The following STK32B variants were observed in gnomAD, a reference collection of about 807,000 sequenced individuals.
STK32B encodes the protein serine/threonine-protein kinase 32B.
Under a neutral mutation model 52.6 loss-of-function variants are expected in STK32B, and 43 were observed. The ratio of observed to expected loss-of-function variants is 0.82; its 90% CI spans 0.64 to 1.05. The LOEUF (loss-of-function observed/expected upper bound fraction) is 1.05. STK32B is among the 50% of genes least tolerant of loss of function. The pLI is 0.00. For synonymous variants in STK32B, 238 were observed against 204.3 expected (o/e 1.17, Z -1.41); for missense variants, 621 against 534.6 (o/e 1.16, Z -1.59).
At chr4:5,356,709 G>T (rs532006114) in intron 4 of STK32B, among the ~76,000 whole-genome samples, 16 of 152,208 alleles carry the variant, frequency 1.1e-4, no homozygotes, top group Non-Finnish European at 1.9e-4. Context: ...TTTAATAAGT[G>T]TATATTGCTG....
intron 8 of STK32B, among the ~76,000 whole-genome samples, chr4:5,459,681 C>A (rs528225519): frequency 6.6e-6 from 1 of 152,232 alleles, no homozygotes; most frequent in East Asian, 1.9e-4. Flanking sequence ...GAGATCACCT[C>A]GTAGCTGTCC....
At chr4:5,412,099 A>C (rs1437608153) in intron 5 of STK32B, among the ~76,000 whole-genome samples, 1 of 152,198 alleles carries the variant, frequency 6.6e-6, no homozygotes, top group African/African-American at 2.4e-5. Context: ...AAGAAAGAAG[A>C]GATGCATGTC....
At chr4:5,233,547 G>A (rs1724420398) in intron 3 of STK32B, among the ~76,000 whole-genome samples, 3 of 152,040 alleles carry the variant, frequency 2.0e-5, no homozygotes, top group Non-Finnish European at 4.4e-5. Flanking sequence ...AAGGATAGGA[G>A]CTGTGAAGAG....
At chr4:5,192,309 A>C (rs1327629149) in intron 3 of STK32B, among the ~76,000 whole-genome samples, 1 of 152,328 alleles carries the variant, frequency 6.6e-6, no homozygotes, top group Non-Finnish European at 1.5e-5. Context: ...CACCTTGTGC[A>C]ACACAGCAGC....
chr4:5,402,505 G>C (rs545687945), intron 5 of STK32B, among the ~76,000 whole-genome samples: 1 of 152,370 alleles, frequency 6.6e-6, no homozygotes, highest in East Asian at 1.9e-4. Flanking sequence ...TTGGGAAGTG[G>C]TTCGCTTGTT....
chr4:5,284,837 T>C (rs1229738701), intron 3 of STK32B, among the ~76,000 whole-genome samples: 1 of 152,204 alleles, frequency 6.6e-6, no homozygotes, highest in African/African-American at 2.4e-5. Flanking sequence ...TTTTTCATCA[T>C]GTTTAGTGCA....
intron 3 of STK32B, among the ~76,000 whole-genome samples, chr4:5,250,711 A>C (rs1481723313): frequency 1.3e-5 from 2 of 151,692 alleles, no homozygotes; most frequent in Non-Finnish European, 2.9e-5. Context: ...TTTCTCCTCA[A>C]CCTCTCCAGC....
Position 5,267,630 on chromosome 4 carries a change from C to T in STK32B, c.261-63590C>T, listed in dbSNP as rs138069588. On this transcript the variant is annotated intron_variant, in intron 3 of 11. Transcript: ENST00000282908. The stretch of plus-strand genomic sequence containing the variant: ...CAGTAAGTCAGTCGCACAGCTGGGA[C>T]GAAAATCAAGTTTATTCATATATTC... Among the ~76,000 whole-genome samples the T allele has an allele frequency of 4.6e-5, 7 of 152,210 alleles. 1 individual carries two copies. Among genetic ancestry groups the T allele is most frequent in the South Asian group, 2.1e-4 (1 of 4,820 alleles).
intron 3 of STK32B, among the ~76,000 whole-genome samples, chr4:5,238,055 T>G (rs1313198675): frequency 6.6e-6 from 1 of 152,206 alleles, no homozygotes; most frequent in Non-Finnish European, 1.5e-5. Flanking sequence ...ATTCTATGAT[T>G]GTGATTCTTT....
intron 3 of STK32B, among the ~76,000 whole-genome samples, chr4:5,317,224 T>TTATATATATAACATATATATATTA (rs1240979170): frequency 5.2e-5 from 2 of 38,676 alleles, no homozygotes; most frequent in Admixed American, 1.2e-3. Context: ...CATATATATA[T>TTATATATATAACATATATATATTA]TATATATAAC....
chr4:5,129,550 A>T (rs546584357), intron 1 of STK32B, among the ~76,000 whole-genome samples: 52 of 152,182 alleles, frequency 3.4e-4, no homozygotes, highest in Non-Finnish European at 6.9e-4. Context: ...AGAACATTTG[A>T]CCTATTCTCA....
At chr4:5,420,699 G>A (rs1285455372) in intron 6 of STK32B, among the ~76,000 whole-genome samples, 4 of 152,144 alleles carry the variant, frequency 2.6e-5, no homozygotes, top group South Asian at 2.1e-4. Flanking sequence ...GAAGGGGCAC[G>A]TGGAGGCTGA....
chr4:5,422,470 A>G (rs772578996), intron 6 of STK32B, among the ~76,000 whole-genome samples: 65 of 152,298 alleles, frequency 4.3e-4, no homozygotes, highest in African/African-American at 8.2e-4. Context: ...AAATTTGCAT[A>G]GGGCTGAATT....
intron 4 of STK32B, among the ~76,000 whole-genome samples, chr4:5,342,898 T>C (rs923349535): frequency 2.0e-5 from 3 of 152,232 alleles, no homozygotes; most frequent in Non-Finnish European, 4.4e-5. Flanking sequence ...TCACATTTAA[T>C]AAATCAATAT....
chr4:5,194,352 G>T (rs546426612), intron 3 of STK32B, among the ~76,000 whole-genome samples: 15 of 152,314 alleles, frequency 9.8e-5, no homozygotes, highest in African/African-American at 3.6e-4. Context: ...ATGTTCAGAA[G>T]TTCAGAAAGA....
chr4:5,243,392 T>C (rs1243723846), intron 3 of STK32B, among the ~76,000 whole-genome samples: 6 of 152,192 alleles, frequency 3.9e-5, no homozygotes, highest in African/African-American at 9.6e-5. Flanking sequence ...CTGTTATTGG[T>C]GTATAAGAAT....
upstream of STK32B, among the ~76,000 whole-genome samples, chr4:5,051,156 C>G (rs574287611): frequency 4.6e-5 from 7 of 152,270 alleles, no homozygotes; most frequent in African/African-American, 1.7e-4. Flanking sequence ...GGACTCCCTT[C>G]GCAGCCGGGG....
intron 3 of STK32B, among the ~76,000 whole-genome samples, chr4:5,298,543 G>A (rs1440749726): frequency 6.6e-6 from 1 of 152,104 alleles, no homozygotes; most frequent in Non-Finnish European, 1.5e-5. Context: ...GCTGCAGTGG[G>A]TTCCGCTCAG....
At chr4:5,438,098 C>G (rs191238059) in intron 6 of STK32B, 1 of 985,522 alleles carries the variant, frequency 1.0e-6, no homozygotes, top group South Asian at 4.7e-5. Flanking sequence ...GGGAACACCT[C>G]GGCACACACA....
Sources: allele counts gnomAD v4.1 joint callset (sites outside exome capture counted in the v4.1 genomes callset), GRCh38; gene constraint gnomAD v4.1.1; transcripts MANE v1.5; gene names NCBI Gene and HGNC (gene_info 2026-07-23, HGNC 2026-07-21).